Variants in CNTN5 observed in about 807,000 individuals in gnomAD.
CNTN5 encodes contactin-5.
In CNTN5, 77 loss-of-function variants were observed where a neutral mutation model predicts 129.1. That is an observed-to-expected ratio of 0.60 (90% confidence interval 0.50 to 0.72). CNTN5 has a LOEUF of 0.72. Among genes scored for constraint, CNTN5 ranks in the 30% least tolerant of loss-of-function variants. The pLI is 0.00. For missense variants in CNTN5, 1,478 were observed against 1,328.8 expected, an observed-to-expected ratio of 1.11 and a Z score of -1.75; for synonymous variants, 509 against 465.6, an observed-to-expected ratio of 1.09 and a Z score of -1.20.
intron 9 of CNTN5, among the ~76,000 whole-genome samples, chr11:100,030,361 C>A (rs1168152186): frequency 6.6e-6 from 1 of 152,182 alleles, no homozygotes; most frequent in Non-Finnish European, 1.5e-5. Context: ...GGCAGCAGAG[C>A]AAGACCTTGT....
Position 99,799,731 on chromosome 11 carries a change from T to G in CNTN5, c.56-19813T>G, listed in dbSNP as rs548977478. Among the ~76,000 whole-genome samples, 14 of 152,202 alleles carry G rather than the reference T, an allele frequency of 9.2e-5. 1 individual carries two copies. The South Asian group carries it at 2.9e-3, about 32-fold the overall frequency. On this transcript the variant is annotated intron_variant, in intron 3 of 24. Transcript: ENST00000524871. ...TTTTTTTGTTGTGTTTTTGTCAGGC[T>G]TTGGTAACTTGGGTTGATGCTGCCT...
chr11:100,224,644 C>A, intron 15 of CNTN5, 48 bp from the exon 16 acceptor site: 1 of 1,576,364 alleles, frequency 6.3e-7, no homozygotes, highest in South Asian at 1.2e-5. Context: ...CCACCTTGAA[C>A]TAGGCAGATT....
At chr11:99,894,280 A>T (rs536093940) in intron 6 of CNTN5, among the ~76,000 whole-genome samples, 126 of 152,214 alleles carry the variant, frequency 8.3e-4, no homozygotes, top group African/African-American at 3.0e-3. Flanking sequence ...ACTTTCTAAG[A>T]AGCAAGGTTT....
intron 16 of CNTN5, among the ~76,000 whole-genome samples, chr11:100,247,496 C>T (rs1949866461): frequency 6.6e-6 from 1 of 152,020 alleles, no homozygotes; most frequent in Admixed American, 6.6e-5. Context: ...GTAAGAAAGC[C>T]CTCTAGGCTT....
chr11:99,639,214 C>G (rs1401234080), intron 3 of CNTN5, among the ~76,000 whole-genome samples: 2 of 152,192 alleles, frequency 1.3e-5, no homozygotes, highest in African/African-American at 4.8e-5. Context: ...TTCAGCCACA[C>G]CTGGAGTGGC....
intron 21 of CNTN5, among the ~76,000 whole-genome samples, chr11:100,322,226 G>A (rs573740574): frequency 3.3e-5 from 5 of 149,978 alleles, no homozygotes; most frequent in South Asian, 2.1e-4. Context: ...AGGTAATGCC[G>A]TCTTTTTTTT....
At chr11:99,506,123 G>C (rs1946607059) in intron 2 of CNTN5, among the ~76,000 whole-genome samples, 1 of 152,196 alleles carries the variant, frequency 6.6e-6, no homozygotes, top group Non-Finnish European at 1.5e-5. Context: ...ATTTGTTACT[G>C]GTAGTTGATC....
chr11:100,016,910 C>T (rs2137545564), intron 9 of CNTN5, among the ~76,000 whole-genome samples: 1 of 151,446 alleles, frequency 6.6e-6, no homozygotes, highest in East Asian at 1.9e-4. Context: ...AGAACAGGTT[C>T]CATGTCAAAG....
intron 1 of CNTN5, among the ~76,000 whole-genome samples, chr11:99,128,481 T>A (rs528904402): frequency 2.2e-4 from 33 of 152,288 alleles, no homozygotes; most frequent in African/African-American, 7.9e-4. Flanking sequence ...ACAGACAGAA[T>A]TGTCCTCTGC....
chr11:99,588,843 A>G (rs190270259), intron 3 of CNTN5, among the ~76,000 whole-genome samples: 61 of 152,316 alleles, frequency 4.0e-4, no homozygotes, highest in African/African-American at 1.5e-3. Flanking sequence ...TTGGGAGCTA[A>G]GTAACTGGAA....
intron 13 of CNTN5, among the ~76,000 whole-genome samples, chr11:100,137,600 G>A (rs1380595303): frequency 6.6e-6 from 1 of 152,070 alleles, no homozygotes; most frequent in Non-Finnish European, 1.5e-5. Context: ...GTTGGTGACT[G>A]TGTGTGTATG....
chr11:99,686,672 G>A (rs566679723), intron 3 of CNTN5, among the ~76,000 whole-genome samples: 4 of 151,864 alleles, frequency 2.6e-5, no homozygotes, highest in East Asian at 1.9e-4. Flanking sequence ...TTTGGGTTTC[G>A]GGTGTATATT....
At chr11:100,207,186 A>T (rs1948934068) in intron 15 of CNTN5, among the ~76,000 whole-genome samples, 1 of 152,140 alleles carries the variant, frequency 6.6e-6, no homozygotes, top group Admixed American at 6.6e-5. Flanking sequence ...TATAGTATTC[A>T]GATATTATAC....
intron 1 of CNTN5, among the ~76,000 whole-genome samples, chr11:99,042,104 T>C (rs1402376533): frequency 6.6e-6 from 1 of 152,198 alleles, no homozygotes; most frequent in African/African-American, 2.4e-5. Flanking sequence ...ATACATAGCA[T>C]AGCATGTATC....
At chr11:99,540,951 G>A (rs928057765) in intron 2 of CNTN5, among the ~76,000 whole-genome samples, 1 of 152,054 alleles carries the variant, frequency 6.6e-6, no homozygotes, top group African/African-American at 2.4e-5. Flanking sequence ...ATGACTGCCA[G>A]TAATACTACG....
intron 3 of CNTN5, among the ~76,000 whole-genome samples, chr11:99,789,554 T>G (rs1171245295): frequency 6.6e-6 from 1 of 152,014 alleles, no homozygotes; most frequent in African/African-American, 2.4e-5. Context: ...TAATTATCAC[T>G]TAGCTTCCTT....
At chr11:99,839,253 T>G (rs1591288015) in intron 4 of CNTN5, among the ~76,000 whole-genome samples, 1 of 152,188 alleles carries the variant, frequency 6.6e-6, no homozygotes, top group African/African-American at 2.4e-5. Context: ...GTTTACCTAA[T>G]GGTAAGTCAC....
intron 3 of CNTN5, among the ~76,000 whole-genome samples, chr11:99,757,902 CAGA>C (rs937002033): frequency 1.1e-3 from 174 of 152,092 alleles, no homozygotes; most frequent in African/African-American, 3.9e-3. Flanking sequence ...ATCTGCCGCA[CAGA>C]AGGTTCTAAA....
rs542229351 is a variant in CNTN5, at chr11:100,007,943, C to T, written c.980+5807C>T. Among the ~76,000 whole-genome samples the T allele has an allele frequency of 5.9e-5, 9 of 151,982 alleles. No homozygotes were observed. In the South Asian group the frequency reaches 1.7e-3, roughly 28 times the overall value. ...TTCCTTTCACTTGAACACTTAGAAA[C>T]CATTGTAGGGTTATTAATTGGCTTA... On this transcript the variant is annotated intron_variant, in intron 9 of 24. Coordinates refer to ENST00000524871, the MANE Select transcript of CNTN5 (RefSeq NM_014361.4).
Sources: gnomAD v4.1 joint callset for allele counts (sites outside exome capture counted in the v4.1 genomes callset) on GRCh38, gnomAD v4.1.1 for gene constraint, MANE v1.5 for transcripts, NCBI Gene and HGNC (gene_info 2026-07-23, HGNC 2026-07-21) for gene names.